EGFR: variants seen among roughly 807,000 people sequenced by gnomAD.
The protein encoded by EGFR is epidermal growth factor receptor.
In EGFR, 58 loss-of-function variants were observed where a neutral mutation model predicts 143.0. The observed-to-expected ratio is 0.41, with a 90% CI of 0.33 to 0.50. The LOEUF is 0.50. Among genes scored for constraint, EGFR ranks in the 20% least tolerant of loss-of-function variants. The probability of loss-of-function intolerance (pLI) is 0.39; values close to 1 mark genes in which losing one functional copy is unlikely to be tolerated. For missense variants in EGFR, 1,307 were observed against 1,579.0 expected (o/e 0.83, Z 2.92); for synonymous variants, 613 against 594.4 (o/e 1.03, Z -0.45).
At chr7:55,033,357 G>A (rs1481815101) in intron 1 of EGFR, among the ~76,000 whole-genome samples, 3 of 152,140 alleles carry the variant, frequency 2.0e-5, no homozygotes, top group African/African-American at 7.2e-5. Flanking sequence ...TCCCTGTGAA[G>A]CACAGGGAGG....
At chr7:55,182,747 G>A (rs1786946938) in intron 20 of EGFR, among the ~76,000 whole-genome samples, 1 of 152,156 alleles carries the variant, frequency 6.6e-6, no homozygotes, top group South Asian at 2.1e-4. Flanking sequence ...GAAGTGGGGA[G>A]CGCTCATGCT....
At position 55,019,328 on chromosome 7, in the gene EGFR, G is replaced by T. The variant is rs1786371421; in HGVS notation, c.51G>T (p.Ala17=). The change falls in exon 1 of 28, where the codon GCG becomes GCT. Residue 17 remains alanine (A), a synonymous_variant. Transcript: ENST00000275493. ...AGAALLALLA[A]LCPASRALEE... The stretch of plus-strand genomic sequence containing the variant: ...CAGCGCTCCTGGCGCTGCTGGCTGC[G>T]CTCTGCCCGGCGAGTCGGGCTCTGG... 3.3e-6 allele frequency: 5 copies of T among 1,521,262 alleles called. No individual in the cohort carries two copies. The highest frequency in any genetic ancestry group is 4.4e-6 in the Non-Finnish European group (5 of 1,130,542). 94.2% of individuals were successfully genotyped at this position (1,521,262 alleles called of 1,614,324 possible).
In EGFR at chr7:55,142,395, A is replaced by G; in HGVS notation, c.198A>G (p.Glu66=). The G allele has an allele frequency of 6.2e-7, 1 of 1,614,200 alleles. No homozygotes were observed. Among genetic ancestry groups the G allele is most frequent in the Non-Finnish European group, 8.5e-7 (1 of 1,180,040 alleles). Residue 66 remains glutamate, a synonymous_variant, in exon 2 of 28, where the codon GAA becomes GAG. Coordinates refer to ENST00000275493, the MANE Select transcript of EGFR (RefSeq NM_005228.5). ...NNCEVVLGNL[E]ITYVQRNYDL... is the part of the protein sequence containing the mutation. ...GTGAGGTGGTCCTTGGGAATTTGGA[A>G]ATTACCTATGTGCAGAGGAATTATG...
chr7:55,210,822 T>C lies in EGFR; in HGVS notation c.*5205T>C, dbSNP rs933994777. 2 of 152,240 alleles carry C rather than the reference T, an allele frequency of 1.3e-5. No homozygotes were observed. The highest frequency in any genetic ancestry group is 4.8e-5 in the African/African-American group (2 of 41,450). The allele number at this position is 152,240 out of a possible 1,614,324, so 9.4% of individuals were successfully genotyped here. On this transcript the variant is annotated 3_prime_UTR_variant, in exon 28 of 28. Coordinates refer to ENST00000275493, the MANE Select transcript of EGFR (RefSeq NM_005228.5). ...AATAAAATATAATATTCTTGCTGCTTATGCAGCTGACATTGTTGCCCTCCC... is the reference window on the plus strand; with the variant it reads ...AATAAAATATAATATTCTTGCTGCTCATGCAGCTGACATTGTTGCCCTCCC...
Position 55,205,801 on chromosome 7 carries a change from A to G in EGFR, c.*184A>G. ...CCTCGGGCACATTTTGGGAAGTTGC[A>G]TTCCTTTGTCTTCAAACTGTGAAGC... is the stretch of plus-strand genomic sequence containing the variant. On this transcript the variant is annotated 3_prime_UTR_variant, in exon 28 of 28. Coordinates refer to ENST00000275493, the MANE Select transcript of EGFR (RefSeq NM_005228.5). The G allele has an allele frequency of 1.2e-6, 1 of 820,124 alleles. No homozygotes were observed. Among genetic ancestry groups the G allele is most frequent in the Non-Finnish European group, 1.9e-6 (1 of 519,026 alleles). The allele number at this position is 820,124 out of a possible 1,614,324, so 50.8% of individuals were successfully genotyped here. A position where few individuals can be genotyped will look rare whatever the true frequency, so the allele number is the denominator to read the frequency against.
In EGFR at chr7:55,095,562, T is replaced by C. The variant is rs17172443; in HGVS notation, c.89-46724T>C. Among the ~76,000 whole-genome samples, 2,558 of 152,214 alleles carry C rather than the reference T, an allele frequency of 0.017. 189 individuals carry two copies. The East Asian group carries it at 0.2, about 12-fold the overall frequency. On this transcript the variant is annotated intron_variant, in intron 1 of 27. Coordinates refer to ENST00000275493, the MANE Select transcript of EGFR (RefSeq NM_005228.5). ...CGCCTTTAGAACCACAATTCTCTGA[T>C]ATGTGCAATGAGAGAATTAATTATA...
intron 1 of EGFR, among the ~76,000 whole-genome samples, chr7:55,119,958 G>A (rs115188333): frequency 1.1e-3 from 162 of 152,312 alleles, no homozygotes; most frequent in African/African-American, 3.0e-3. Context: ...TAACTCCTAT[G>A]TCCATGAGAG....
chr7:55,204,168 TAC>T (rs201931685), intron 27 of EGFR, among the ~76,000 whole-genome samples: 2 of 148,550 alleles, frequency 1.3e-5, no homozygotes, highest in African/African-American at 5.0e-5. Flanking sequence ...CACACACACA[TAC>T]ACACAGACAC....
chr7:55,072,693 C>T lies in EGFR; in HGVS notation c.88+53328C>T, dbSNP rs117961137. Reference sequence around the variant, plus strand: ...TTATTACTGCTTGTCGTAGCACAAGCAGTTGCTTCATTGTGTTTAGATAAA... The same window carrying T: ...TTATTACTGCTTGTCGTAGCACAAGTAGTTGCTTCATTGTGTTTAGATAAA... On this transcript the variant is annotated intron_variant, in intron 1 of 27. Coordinates refer to ENST00000275493, the MANE Select transcript of EGFR (RefSeq NM_005228.5). Among the ~76,000 whole-genome samples the T allele has an allele frequency of 7.6e-3, 1,155 of 152,270 alleles. 7 individuals carry two copies. Among genetic ancestry groups the T allele is most frequent in the Middle Eastern group, 0.014 (4 of 294 alleles).
chr7:55,160,380 A>G (rs769747374), intron 12 of EGFR, 42 bp downstream of exon 12: 6 of 1,591,396 alleles, frequency 3.8e-6, no homozygotes, highest in Non-Finnish European at 4.3e-6. Context: ...GTTGGTTCTA[A>G]TGGGTCCTTT....
chr7:55,191,853 A>G lies in EGFR; in HGVS notation c.2604A>G (p.Glu868=), dbSNP rs2128964691. 1 of 1,614,020 alleles carries G rather than the reference A, an allele frequency of 6.2e-7. No homozygotes were observed. Among genetic ancestry groups the G allele is most frequent in the Non-Finnish European group, 8.5e-7 (1 of 1,180,022 alleles). The change falls in exon 21 of 28, where the codon GAA becomes GAG. Residue 868 remains glutamate (E), a synonymous_variant. Transcript: ENST00000275493. ...AACTGCTGGGTGCGGAAGAGAAAGA[A>G]TACCATGCAGAAGGAGGCAAAGTAA... ...LAKLLGAEEK[E]YHAEGGKVPI... is the part of the protein sequence containing the mutation.
intron 1 of EGFR, among the ~76,000 whole-genome samples, chr7:55,123,720 AG>A (rs775960720): frequency 6.6e-6 from 1 of 152,092 alleles, no homozygotes; most frequent in Non-Finnish European, 1.5e-5. Context: ...GCAGTTTATG[AG>A]GGGGAAAGCC....
At chr7:55,036,285 T>G (rs1010683183) in intron 1 of EGFR, among the ~76,000 whole-genome samples, 2,135 of 16,524 alleles carry the variant, frequency 0.13, 1 homozygote, top group Middle Eastern at 0.19. Flanking sequence ...GGGGGGGGGG[T>G]GGGTGTGTGT....
At chr7:55,074,678 C>A (rs915310092) in intron 1 of EGFR, among the ~76,000 whole-genome samples, 7 of 152,164 alleles carry the variant, frequency 4.6e-5, no homozygotes, top group Non-Finnish European at 1.5e-5. Context: ...CATACTTTAA[C>A]CTTATAAACT....
chr7:55,172,338 G>T (rs1786389315), intron 16 of EGFR, among the ~76,000 whole-genome samples: 1 of 152,232 alleles, frequency 6.6e-6, no homozygotes, highest in African/African-American at 2.4e-5. Context: ...TCTGGAACTA[G>T]ACATGACCTC....
At chr7:55,062,559 A>G (rs1001745044) in intron 1 of EGFR, among the ~76,000 whole-genome samples, 1 of 152,170 alleles carries the variant, frequency 6.6e-6, no homozygotes, top group African/African-American at 2.4e-5. Flanking sequence ...AAAAATGTGC[A>G]TGGGTTTCTG....
chr7:55,024,590 T>A (rs938877159), intron 1 of EGFR, among the ~76,000 whole-genome samples: 7 of 152,232 alleles, frequency 4.6e-5, no homozygotes, highest in Admixed American at 1.3e-4. Flanking sequence ...GCAGCACACA[T>A]GGCCCTGACT....
intron 1 of EGFR, among the ~76,000 whole-genome samples, chr7:55,114,620 A>G (rs1012468417): frequency 6.6e-6 from 1 of 152,142 alleles, no homozygotes; most frequent in African/African-American, 2.4e-5. Flanking sequence ...TTTTAAAAAT[A>G]CTATTTTTAA....
intron 1 of EGFR, among the ~76,000 whole-genome samples, chr7:55,027,927 G>T (rs1786988324): frequency 6.9e-6 from 1 of 143,896 alleles, no homozygotes; most frequent in Non-Finnish European, 1.5e-5. Context: ...AACAAATAAA[G>T]AGTGGAGTAC....
Sources: allele counts gnomAD v4.1 joint callset (sites outside exome capture counted in the v4.1 genomes callset), GRCh38; gene constraint gnomAD v4.1.1; transcripts MANE v1.5; gene names NCBI Gene and HGNC (gene_info 2026-07-23, HGNC 2026-07-21).